The following MINDY2 variants were observed in gnomAD, a reference collection of about 807,000 sequenced individuals.
The protein encoded by MINDY2 is MINDY lysine 48 deubiquitinase 2, also known as ubiquitin carboxyl-terminal hydrolase MINDY-2.
MINDY2 carries 52 observed loss-of-function variants against 68.2 expected under a neutral mutation model. That is an observed-to-expected ratio of 0.76 (90% CI 0.61 to 0.96). The LOEUF (loss-of-function observed/expected upper bound fraction) is 0.96, where lower values mean the gene tolerates loss of function less well. MINDY2 is among the 40% of genes least tolerant of loss of function. The probability of loss-of-function intolerance (pLI) is 0.00; values close to 1 mark genes in which losing one functional copy is unlikely to be tolerated. For missense variants in MINDY2, 881 were observed against 773.4 expected, an observed-to-expected ratio of 1.14 and a Z score of -1.65; for synonymous variants, 372 against 303.0, an observed-to-expected ratio of 1.23 and a Z score of -2.36.
chr15:58,793,085 A>G (rs979473698), intron 2 of MINDY2, among the ~76,000 whole-genome samples: 11 of 152,206 alleles, frequency 7.2e-5, no homozygotes, highest in African/African-American at 2.4e-4. Context: ...GGGCTGGGGA[A>G]GAGATGGGGT....
At chr15:58,798,504 A>G (rs1271208121) in intron 2 of MINDY2, among the ~76,000 whole-genome samples, 2 of 148,152 alleles carry the variant, frequency 1.3e-5, no homozygotes, top group African/African-American at 2.5e-5. Context: ...CACCCAGCCT[A>G]TAGTGCAATG....
At chr15:58,832,372 A>T (rs1364967706) in intron 6 of MINDY2, among the ~76,000 whole-genome samples, 1 of 151,318 alleles carries the variant, frequency 6.6e-6, no homozygotes, top group Non-Finnish European at 1.5e-5. Flanking sequence ...GATTACAGGC[A>T]TGCACCACCA....
At chr15:58,831,354 T>C (rs2031718887) in intron 5 of MINDY2, among the ~76,000 whole-genome samples, 1 of 152,160 alleles carries the variant, frequency 6.6e-6, no homozygotes, top group East Asian at 1.9e-4. Flanking sequence ...CTACTTTTAA[T>C]TTGAAAACAC....
chr15:58,852,836 G>C (rs1439987519), intron 8 of MINDY2, among the ~76,000 whole-genome samples: 1 of 148,788 alleles, frequency 6.7e-6, no homozygotes, highest in Non-Finnish European at 1.5e-5. Flanking sequence ...AAATTTAATG[G>C]TGGGATTCTA....
At chr15:58,835,157 A>C (rs546525179) in intron 6 of MINDY2, among the ~76,000 whole-genome samples, 3 of 152,218 alleles carry the variant, frequency 2.0e-5, no homozygotes, top group Non-Finnish European at 4.4e-5. Flanking sequence ...TTGCCTATTA[A>C]GGACCTCGTA....
At chr15:58,820,093 G>A (rs907176705) in intron 4 of MINDY2, among the ~76,000 whole-genome samples, 3 of 151,914 alleles carry the variant, frequency 2.0e-5, no homozygotes, top group East Asian at 1.9e-4. Flanking sequence ...TAGTGAAACC[G>A]CAACTCTACT....
At chr15:58,797,575 A>G (rs1902366248) in intron 2 of MINDY2, among the ~76,000 whole-genome samples, 2 of 152,176 alleles carry the variant, frequency 1.3e-5, no homozygotes, top group African/African-American at 2.4e-5. Flanking sequence ...GCTGCTAGAA[A>G]ATTTAAAATT....
intron 1 of MINDY2, among the ~76,000 whole-genome samples, chr15:58,779,869 C>T (rs936423284): frequency 6.6e-5 from 10 of 152,126 alleles, no homozygotes; most frequent in Non-Finnish European, 1.2e-4. Flanking sequence ...TATGAGTAGT[C>T]TTTTAGTTAA....
chr15:58,778,868 A>G (rs1266682259), intron 1 of MINDY2, among the ~76,000 whole-genome samples: 1 of 136,032 alleles, frequency 7.4e-6, no homozygotes, highest in East Asian at 2.2e-4. Flanking sequence ...GCTGGAGTGC[A>G]GTGGCACGAT....
intron 4 of MINDY2, among the ~76,000 whole-genome samples, chr15:58,814,471 C>T (rs1370169638): frequency 6.6e-6 from 1 of 152,074 alleles, no homozygotes; most frequent in Non-Finnish European, 1.5e-5. Flanking sequence ...ACTGCAACCT[C>T]AAACTCCTGA....
At chr15:58,782,392 T>C (rs1901203736) in intron 1 of MINDY2, among the ~76,000 whole-genome samples, 1 of 152,198 alleles carries the variant, frequency 6.6e-6, no homozygotes, top group East Asian at 1.9e-4. Flanking sequence ...AAAAATCTTA[T>C]CTTCTGTGTT....
At chr15:58,849,053 T>C (rs1341765582) in intron 7 of MINDY2, among the ~76,000 whole-genome samples, 2 of 151,232 alleles carry the variant, frequency 1.3e-5, no homozygotes, top group African/African-American at 2.4e-5. Flanking sequence ...CTACTAAACA[T>C]ACAAAGATTA....
At chr15:58,847,781 G>A (rs2032609865) in intron 7 of MINDY2, among the ~76,000 whole-genome samples, 1 of 152,164 alleles carries the variant, frequency 6.6e-6, no homozygotes, top group Admixed American at 6.6e-5. Context: ...TTAAAAGACT[G>A]TTATTTGGAG....
rs1351973954 is a variant in MINDY2, at chr15:58,857,233, G to A, written c.*2623G>A. 1 of 152,148 alleles carries A rather than the reference G, an allele frequency of 6.6e-6. No homozygotes were observed. Among genetic ancestry groups the A allele is most frequent in the Non-Finnish European group, 1.5e-5 (1 of 68,036 alleles). The allele number at this position is 152,148 out of a possible 1,614,324, so 9.4% of individuals were successfully genotyped here. ...AACAAACAAGCTTTTCAGAGATACT[G>A]GTTTCCTGCCCTTGAAGGGTATAAA... On this transcript the variant is annotated 3_prime_UTR_variant, in exon 9 of 9. Transcript: ENST00000559228.
At chr15:58,787,147 T>TTTC (rs1423011343) in intron 1 of MINDY2, among the ~76,000 whole-genome samples, 3 of 140,404 alleles carry the variant, frequency 2.1e-5, no homozygotes, top group Non-Finnish European at 4.7e-5. Flanking sequence ...TTACTTTTTT[T>TTTC]TTTTTTTTTT....
chr15:58,777,000 C>T (rs573385040), intron 1 of MINDY2, among the ~76,000 whole-genome samples: 16 of 152,106 alleles, frequency 1.1e-4, no homozygotes, highest in Middle Eastern at 3.4e-3. Context: ...GCATTTGACC[C>T]GGTGAATTTT....
intron 3 of MINDY2, 98 bp downstream of exon 3, chr15:58,802,475 A>C (rs1438191436): frequency 2.8e-6 from 2 of 726,796 alleles, no homozygotes; most frequent in Admixed American, 6.6e-5. Context: ...AAAGGATTAG[A>C]TAGTAAACAC....
chr15:58,777,631 T>C (rs1412885525), intron 1 of MINDY2, among the ~76,000 whole-genome samples: 1 of 152,138 alleles, frequency 6.6e-6, no homozygotes, highest in Non-Finnish European at 1.5e-5. Flanking sequence ...AAAACTTTTT[T>C]TTAATTATAA....
At chr15:58,831,055 A>ATATATATATATATG (rs1204574446) in intron 5 of MINDY2, among the ~76,000 whole-genome samples, 6 of 145,504 alleles carry the variant, frequency 4.1e-5, no homozygotes, top group African/African-American at 1.6e-4. Flanking sequence ...ATATATATAT[A>ATATATATATATATG]TATATGTTTT....
Sources: allele counts gnomAD v4.1 joint callset (sites outside exome capture counted in the v4.1 genomes callset), GRCh38; gene constraint gnomAD v4.1.1; transcripts MANE v1.5; gene names NCBI Gene and HGNC (gene_info 2026-07-23, HGNC 2026-07-21).